ATG7: variants seen among roughly 807,000 people sequenced by gnomAD.
ATG7 encodes the protein ubiquitin-like modifier-activating enzyme ATG7.
In ATG7, 70 loss-of-function variants were observed where a neutral mutation model predicts 82.4. The observed-to-expected ratio is 0.85, with a 90% CI of 0.70 to 1.04. The LOEUF (loss-of-function observed/expected upper bound fraction) is 1.04, where lower values mean the gene tolerates loss of function less well. Ranked by LOEUF, ATG7 falls within the 50% of genes least tolerant of loss-of-function variation. The pLI is 0.00. For missense variants in ATG7, 792 were observed against 864.3 expected (o/e 0.92, Z 1.05); for synonymous variants, 287 against 313.0 (o/e 0.92, Z 0.88).
intron 20 of ATG7, among the ~76,000 whole-genome samples, chr3:11,506,301 T>G (rs751508203): frequency 2.6e-5 from 4 of 152,180 alleles, no homozygotes; most frequent in Non-Finnish European, 4.4e-5. Context: ...GCACATTTGA[T>G]TATTTAAATG....
intron 20 of ATG7, among the ~76,000 whole-genome samples, chr3:11,483,316 G>A (rs1250305877): frequency 6.6e-6 from 1 of 152,138 alleles, no homozygotes; most frequent in Non-Finnish European, 1.5e-5. Context: ...TTTTCCAGCT[G>A]CCCAAAATCA....
chr3:11,439,003 CTG>C (rs2152963750), intron 20 of ATG7, among the ~76,000 whole-genome samples: 1 of 151,752 alleles, frequency 6.6e-6, no homozygotes, highest in Admixed American at 6.6e-5. Flanking sequence ...TATTTTGAGA[CTG>C]TAAAATTAAA....
At chr3:11,524,543 G>A (rs2092524202) in intron 20 of ATG7, among the ~76,000 whole-genome samples, 1 of 152,192 alleles carries the variant, frequency 6.6e-6, no homozygotes, top group Non-Finnish European at 1.5e-5. Flanking sequence ...AGGATCACTT[G>A]AGCCCAGGAG....
At chr3:11,544,994 A>C (rs1299306576) in intron 20 of ATG7, among the ~76,000 whole-genome samples, 1 of 152,218 alleles carries the variant, frequency 6.6e-6, no homozygotes, top group Non-Finnish European at 1.5e-5. Flanking sequence ...AGAATAAGGT[A>C]GGCCAGCAGG....
chr3:11,376,138 TA>T, intron 18 of ATG7, among the ~76,000 whole-genome samples: 1 of 152,190 alleles, frequency 6.6e-6, no homozygotes, highest in South Asian at 2.1e-4. Context: ...GCAGAATAGG[TA>T]AAACAATAGA....
At chr3:11,409,417 A>G (rs1386470704) in intron 19 of ATG7, among the ~76,000 whole-genome samples, 1 of 152,242 alleles carries the variant, frequency 6.6e-6, no homozygotes, top group Non-Finnish European at 1.5e-5. Context: ...CTGTGTTGCC[A>G]GACGATCTTG....
chr3:11,422,356 C>T (rs968506850), intron 19 of ATG7, among the ~76,000 whole-genome samples: 3 of 152,238 alleles, frequency 2.0e-5, no homozygotes, highest in Non-Finnish European at 4.4e-5. Flanking sequence ...TCAGTACTTG[C>T]TGCTTCGCCT....
chr3:11,296,275 C>G (rs1945898633), intron 3 of ATG7, among the ~76,000 whole-genome samples: 1 of 152,178 alleles, frequency 6.6e-6, no homozygotes, highest in Non-Finnish European at 1.5e-5. Context: ...CATTATTACT[C>G]TTCTGAAACT....
chr3:11,555,053 C>T lies in ATG7; in HGVS notation c.*210C>T, dbSNP rs1273825785. On this transcript the variant is annotated 3_prime_UTR_variant, in exon 21 of 21. Transcript: ENST00000693202. ...CCACCAGTTCAGAGCTAAATAATAA[C>T]CTTGGCCTTGGCCTTGCTATTGACC... The T allele has an allele frequency of 1.7e-6, 1 of 576,092 alleles. No homozygotes were observed. The allele number at this position is 576,092 out of a possible 1,614,324, so 35.7% of individuals were successfully genotyped here.
intron 9 of ATG7, among the ~76,000 whole-genome samples, chr3:11,325,600 G>A (rs1247617969): frequency 6.6e-6 from 1 of 152,076 alleles, no homozygotes; most frequent in African/African-American, 2.4e-5. Context: ...GAACCCAGGA[G>A]GTGGAGGTTA....
intron 18 of ATG7, 96 bp downstream of exon 18, chr3:11,364,830 C>T (rs2076494146): frequency 7.7e-7 from 1 of 1,294,364 alleles, no homozygotes; most frequent in South Asian, 1.3e-5. Flanking sequence ...CACTTCATAT[C>T]CACCCTACTT....
chr3:11,501,905 G>T (rs569716236), intron 20 of ATG7, among the ~76,000 whole-genome samples: 146 of 152,244 alleles, frequency 9.6e-4, no homozygotes, highest in Middle Eastern at 3.4e-3. Flanking sequence ...GGCCAGGCTG[G>T]TCTAGAACTC....
chr3:11,448,910 G>C (rs567291657), intron 20 of ATG7, among the ~76,000 whole-genome samples: 22 of 152,086 alleles, frequency 1.4e-4, no homozygotes, highest in Non-Finnish European at 2.6e-4. Context: ...TTACACCAGA[G>C]TAATATACTT....
intron 20 of ATG7, among the ~76,000 whole-genome samples, chr3:11,538,669 T>C: frequency 1.1e-5 from 1 of 89,786 alleles, no homozygotes; most frequent in Non-Finnish European, 1.9e-5. Flanking sequence ...GTGATGAAAC[T>C]CCGTCTCTAA....
At chr3:11,537,818 T>C (rs1005205953) in intron 20 of ATG7, among the ~76,000 whole-genome samples, 22 of 152,188 alleles carry the variant, frequency 1.4e-4, no homozygotes, top group African/African-American at 5.1e-4. Flanking sequence ...AGAGATGTAT[T>C]TTCCTGCGGG....
At chr3:11,309,378 T>C (rs1948274588) in intron 7 of ATG7, among the ~76,000 whole-genome samples, 1 of 152,076 alleles carries the variant, frequency 6.6e-6, no homozygotes, top group Non-Finnish European at 1.5e-5. Context: ...CTAAATACCA[T>C]CTAAATAAAG....
chr3:11,490,539 G>A (rs540653966), intron 20 of ATG7, among the ~76,000 whole-genome samples: 2,150 of 152,152 alleles, frequency 0.014, 43 homozygotes, highest in African/African-American at 0.049. Context: ...TATTTTGCTC[G>A]TTAGTTGATG....
At chr3:11,490,048 C>G (rs1364787604) in intron 20 of ATG7, among the ~76,000 whole-genome samples, 1 of 152,036 alleles carries the variant, frequency 6.6e-6, no homozygotes, top group Non-Finnish European at 1.5e-5. Context: ...CTTTCTGTCT[C>G]TTTGATCTGT....
intron 20 of ATG7, among the ~76,000 whole-genome samples, chr3:11,541,325 A>C (rs2125025386): frequency 6.6e-6 from 1 of 152,304 alleles, no homozygotes; most frequent in South Asian, 2.1e-4. Flanking sequence ...GTTTGTTGAA[A>C]AGATTGTCCT....
Sources: gnomAD v4.1 joint callset for allele counts (sites outside exome capture counted in the v4.1 genomes callset) on GRCh38, gnomAD v4.1.1 for gene constraint, MANE v1.5 for transcripts, NCBI Gene and HGNC (gene_info 2026-07-23, HGNC 2026-07-21) for gene names.